Variants in TUBGCP3 observed in about 807,000 individuals in gnomAD.
TUBGCP3 encodes gamma-tubulin complex component 3.
Under a neutral mutation model 123.1 loss-of-function variants are expected in TUBGCP3, and 50 were observed. The ratio of observed to expected loss-of-function variants is 0.41; its 90% CI spans 0.32 to 0.51. The LOEUF is 0.51. Among genes scored for constraint, TUBGCP3 ranks in the 20% least tolerant of loss-of-function variants. The pLI, the probability that TUBGCP3 is intolerant of heterozygous loss-of-function variation, is 0.36. For synonymous variants in TUBGCP3, 405 were observed against 413.9 expected (o/e 0.98, Z 0.26); for missense variants, 882 against 1,127.0 (o/e 0.78, Z 3.11).
intron 8 of TUBGCP3, among the ~76,000 whole-genome samples, chr13:112,549,414 C>T (rs1271504759): frequency 2.0e-5 from 3 of 151,998 alleles, no homozygotes; most frequent in African/African-American, 7.3e-5. Context: ...AGCACACCAA[C>T]ACGGCACATG....
At chr13:112,501,120 G>C (rs564110415) in intron 19 of TUBGCP3, among the ~76,000 whole-genome samples, 1 of 152,350 alleles carries the variant, frequency 6.6e-6, no homozygotes, top group South Asian at 2.1e-4. Flanking sequence ...AGAAGGATGT[G>C]ATCAGGGGAT....
chr13:112,504,190 A>G (rs1482942152), intron 18 of TUBGCP3, 27 bp from the exon 19 acceptor site: 2 of 1,613,968 alleles, frequency 1.2e-6, no homozygotes, highest in Non-Finnish European at 1.7e-6. Context: ...TAAAGACGCT[A>G]GATAAGCTCA....
At chr13:112,581,425 T>C (rs1332830000) in intron 1 of TUBGCP3, among the ~76,000 whole-genome samples, 2 of 152,048 alleles carry the variant, frequency 1.3e-5, no homozygotes, top group Non-Finnish European at 2.9e-5. Context: ...AAAAGTTTCC[T>C]TTAAAAGTTG....
At chr13:112,580,759 T>C (rs1013843060) in intron 1 of TUBGCP3, among the ~76,000 whole-genome samples, 7 of 152,210 alleles carry the variant, frequency 4.6e-5, no homozygotes, top group African/African-American at 1.7e-4. Context: ...AATATCTATA[T>C]CTGACTGATG....
rs1478593173 is a variant in TUBGCP3, at chr13:112,579,469, G to A, written c.76+8436C>T. 7.9e-5 allele frequency among the ~76,000 whole-genome samples: 12 copies of A among 151,042 alleles called. 1 individual carries two copies. Among genetic ancestry groups the A allele is most frequent in the African/African-American group, 2.2e-4 (9 of 40,984 alleles). The stretch of plus-strand genomic sequence containing the variant: ...CTCTCCCACACTGCTGAGTGCCCGC[G>A]GGGCCACGGCATCCCCGGAGCTCTC... On this transcript the variant is annotated intron_variant, in intron 1 of 21. Coordinates refer to ENST00000261965, the MANE Select transcript of TUBGCP3 (RefSeq NM_006322.6).
In TUBGCP3 at chr13:112,519,887, TC is replaced by T; in HGVS notation, c.1879del (p.Glu627ArgfsTer31). On this transcript the variant is annotated frameshift_variant and splice_region_variant, in exon 15 of 22. Coordinates refer to ENST00000261965, the MANE Select transcript of TUBGCP3 (RefSeq NM_006322.6). LOFTEE classifies it high-confidence loss of function. This position sits in a 1 kb window ranked among gnomAD's most constrained non-coding sequence, Gnocchi z 6.2. Reference sequence around the variant, plus strand: ...TCCCAACACGCAGAGCCGCAGTACCTCCAGCAGCCGCACGTCCAGCCTTCGC... The same window carrying T: ...TCCCAACACGCAGAGCCGCAGTACCTCAGCAGCCGCACGTCCAGCCTTCGC... The part of the protein sequence containing the change: ...ILRRLDVRLL[E>X]VSPGDTGWDV... 1 of 1,613,172 alleles carries T rather than the reference TC, an allele frequency of 6.2e-7. No individual in the cohort carries two copies. Among genetic ancestry groups the T allele is most frequent in the Non-Finnish European group, 8.5e-7 (1 of 1,179,406 alleles).
chr13:112,547,208 A>C (rs574943764), intron 10 of TUBGCP3: 15 of 385,844 alleles, frequency 3.9e-5, no homozygotes, highest in East Asian at 3.0e-4. Context: ...AATGCAAGGA[A>C]AGGCGACCAA....
At chr13:112,549,189 C>T (rs1255427558) in intron 8 of TUBGCP3, among the ~76,000 whole-genome samples, 2 of 152,086 alleles carry the variant, frequency 1.3e-5, no homozygotes, top group Non-Finnish European at 2.9e-5. Flanking sequence ...TTTGTAGGGA[C>T]GTGGATGAAG....
chr13:112,599,495 C>T, the TUBGCP3 span, among the ~76,000 whole-genome samples: 5 of 151,712 alleles, frequency 3.3e-5, no homozygotes, highest in South Asian at 1.0e-3. Context: ...AACTACTTTG[C>T]TATGGTTTTT....
Position 112,559,356 on chromosome 13 carries a change from C to T in TUBGCP3, c.296G>A (p.Ser99Asn). The T allele has an allele frequency of 6.2e-7, 1 of 1,611,700 alleles. No individual in the cohort carries two copies. Among genetic ancestry groups the T allele is most frequent in the Non-Finnish European group, 8.5e-7 (1 of 1,178,866 alleles). The change falls in exon 4 of 22, where the codon AGC (serine) becomes AAC (asparagine). Residue 99 changes from serine to asparagine, a missense_variant. By Grantham distance (46) the Ser-to-Asn change is conservative. Around this residue, in one of 3 missense-constraint regions of TUBGCP3, gnomAD observed 713 missense variants for 874.0 expected, o/e 0.82. Transcript: ENST00000261965. ...NKWSILYLLL[S>N]LSEDPRRQPS... ...CTGCCTGCGTGGGTCCTCACTGAGG[C>T]TCAGCAAGAGGTAGAGTATTGACCA...
chr13:112,530,444 C>T (rs1877483030), intron 11 of TUBGCP3, among the ~76,000 whole-genome samples: 1 of 152,198 alleles, frequency 6.6e-6, no homozygotes, highest in Non-Finnish European at 1.5e-5. Context: ...TACAACTGAC[C>T]CTTGAATCAC....
chr13:112,552,401 G>A (rs1243269706), intron 8 of TUBGCP3, among the ~76,000 whole-genome samples: 1 of 152,192 alleles, frequency 6.6e-6, no homozygotes, highest in Non-Finnish European at 1.5e-5. Context: ...CTGAGGGGAC[G>A]GCCCACCAGT....
Position 112,565,196 on chromosome 13 carries a change from A to C in TUBGCP3, c.185-18T>G, listed in dbSNP as rs1466787941. The C allele has an allele frequency of 6.2e-7, 1 of 1,609,288 alleles. No individual in the cohort carries two copies. Among genetic ancestry groups the C allele is most frequent in the Admixed American group, 1.7e-5 (1 of 59,912 alleles). On this transcript the variant is annotated intron_variant, in intron 2 of 21. Coordinates refer to ENST00000261965, the MANE Select transcript of TUBGCP3 (RefSeq NM_006322.6). ...TCGAATAACTGAAAAGACAGAAAAA[A>C]AATAAGTGTGGTAACTACAAACACC...
chr13:112,571,618 T>C (rs761438555), intron 1 of TUBGCP3, among the ~76,000 whole-genome samples: 3 of 152,212 alleles, frequency 2.0e-5, no homozygotes, highest in Admixed American at 6.5e-5. Context: ...TTATTCTTTG[T>C]AGCTCTGAAG....
Position 112,505,847 on chromosome 13 carries a change from G to A in TUBGCP3, c.2087-1133C>T, listed in dbSNP as rs145888098. Among the ~76,000 whole-genome samples the A allele has an allele frequency of 8.0e-3, 1,214 of 152,302 alleles. 6 individuals carry two copies. The highest frequency in any genetic ancestry group is 0.012 in the Non-Finnish European group (790 of 68,022). Reference sequence around the variant, plus strand: ...ATCCGACCCTGGCACCCGGTCTCCAGGGACGCGCCGTGCACTTGGGAAAGG... The same window carrying A: ...ATCCGACCCTGGCACCCGGTCTCCAAGGACGCGCCGTGCACTTGGGAAAGG... On this transcript the variant is annotated intron_variant, in intron 17 of 21. Coordinates refer to ENST00000261965, the MANE Select transcript of TUBGCP3 (RefSeq NM_006322.6).
chr13:112,577,900 A>AG (rs1304920256), intron 1 of TUBGCP3, among the ~76,000 whole-genome samples: 5 of 152,148 alleles, frequency 3.3e-5, no homozygotes, highest in Non-Finnish European at 5.9e-5. Flanking sequence ...CTAAAATGTG[A>AG]GGGGGGAAAA....
chr13:112,602,516 G>A, the TUBGCP3 span, among the ~76,000 whole-genome samples: 2 of 152,036 alleles, frequency 1.3e-5, no homozygotes, highest in African/African-American at 2.4e-5. Flanking sequence ...CTCCATGATT[G>A]ATTTGAAACA....
intron 21 of TUBGCP3, among the ~76,000 whole-genome samples, chr13:112,486,530 C>G (rs998771684): frequency 6.6e-6 from 1 of 152,252 alleles, no homozygotes; most frequent in Non-Finnish European, 1.5e-5. Flanking sequence ...CATATTTCAT[C>G]TTTCATATGA....
At chr13:112,573,504 C>G (rs1881576473) in intron 1 of TUBGCP3, among the ~76,000 whole-genome samples, 1 of 152,140 alleles carries the variant, frequency 6.6e-6, no homozygotes, top group Admixed American at 6.5e-5. Flanking sequence ...ACATGGTTCA[C>G]AGCAACTGCC....
Sources: allele counts gnomAD v4.1 joint callset (sites outside exome capture counted in the v4.1 genomes callset), GRCh38; gene constraint gnomAD v4.1.1; regional missense constraint gnomAD v4.1.1; non-coding constraint Gnocchi (gnomAD v3.1); transcripts MANE v1.5; gene names NCBI Gene and HGNC (gene_info 2026-07-23, HGNC 2026-07-21).